The following CCNB3 variants were observed in gnomAD, a reference collection of about 807,000 sequenced individuals.
CCNB3 encodes the protein cyclin B3, also known as G2/mitotic-specific cyclin-B3.
A neutral mutation model predicts 68.0 loss-of-function variants in CCNB3; 12 were observed. That is an observed-to-expected ratio of 0.18 (90% CI 0.11 to 0.29). CCNB3 has a LOEUF of 0.29. Among genes scored for constraint, CCNB3 ranks in the 10% least tolerant of loss-of-function variants. CCNB3 has a pLI of 1.00. For missense variants in CCNB3, 904 were observed against 993.1 expected, an observed-to-expected ratio of 0.91 and a Z score of 1.21; for synonymous variants, 354 against 388.9, an observed-to-expected ratio of 0.91 and a Z score of 1.06.
chrX:50,292,265 A>G (rs192948888), intron 4 of CCNB3, among the ~76,000 whole-genome samples: 182 of 111,084 alleles, frequency 1.6e-3, no homozygotes, highest in Middle Eastern at 4.7e-3. Context: ...GATCCAGGCT[A>G]GGATCATGTA....
At chrX:50,322,404 C>T (rs1414475780) in intron 8 of CCNB3, among the ~76,000 whole-genome samples, 3 of 110,862 alleles carry the variant, frequency 2.7e-5, no homozygotes, top group Non-Finnish European at 3.8e-5. Flanking sequence ...TTCCTTATAC[C>T]TTATACAAAA....
At chrX:50,205,998 G>A (rs1346047418) in intron 1 of CCNB3, among the ~76,000 whole-genome samples, 3 of 90,399 alleles carry the variant, frequency 3.3e-5, no homozygotes, top group Admixed American at 1.2e-4. Context: ...CGCCTGTAGT[G>A]CCAGCACTTT....
At chrX:50,301,294 A>G (rs1162254815) in intron 5 of CCNB3, among the ~76,000 whole-genome samples, 3 of 110,780 alleles carry the variant, frequency 2.7e-5, no homozygotes, top group Non-Finnish European at 3.8e-5. Flanking sequence ...GGTGATGGTG[A>G]TGTACAGATG....
chrX:50,325,075 C>T (rs1557217123), intron 8 of CCNB3, among the ~76,000 whole-genome samples: 1 of 110,948 alleles, frequency 9.0e-6, no homozygotes, highest in Non-Finnish European at 1.9e-5. Flanking sequence ...ACTGTATTCT[C>T]TATAGGGTAC....
At chrX:50,311,534 T>G in intron 6 of CCNB3, 38 bp downstream of exon 6, 2 of 1,012,186 alleles carry the variant, frequency 2.0e-6, no homozygotes, top group African/African-American at 1.9e-5. Flanking sequence ...AGATAAATTG[T>G]TCTTTGATAT....
At chrX:50,207,531 G>A (rs1935388919) in intron 1 of CCNB3, among the ~76,000 whole-genome samples, 2 of 111,316 alleles carry the variant, frequency 1.8e-5, no homozygotes, top group African/African-American at 6.5e-5. Flanking sequence ...TTGAAAATAA[G>A]TGGTAATGGT....
At chrX:50,279,277 CAT>C (rs1438772924) in intron 1 of CCNB3, among the ~76,000 whole-genome samples, 3 of 66,636 alleles carry the variant, frequency 4.5e-5, no homozygotes, top group Non-Finnish European at 7.6e-5. Flanking sequence ...AGAATATATA[CAT>C]ATTCATATAT....
At chrX:50,289,035 C>T in intron 4 of CCNB3, 148 bp downstream of exon 4, 1 of 419,776 alleles carries the variant, frequency 2.4e-6, no homozygotes, top group South Asian at 4.4e-5. Context: ...TCAGAAACTG[C>T]AGGGGCTCTG....
intron 9 of CCNB3, among the ~76,000 whole-genome samples, chrX:50,342,755 G>A (rs191984389): frequency 4.5e-5 from 5 of 111,335 alleles, no homozygotes; most frequent in South Asian, 7.7e-4. Flanking sequence ...TGCCCAGGCC[G>A]GAGTGCAATG....
rs782236853 is a variant in CCNB3 at position 50,338,894 on chromosome X, C to T, written c.3517-3308C>T. 8.0e-5 allele frequency among the ~76,000 whole-genome samples: 9 copies of T among 112,317 alleles called. No homozygotes were observed. In the South Asian group the frequency reaches 3.4e-3, roughly 42 times the overall value. Reference sequence around the variant, plus strand: ...CTGTCTCTAAGAAGTTTCAAACTTTCCCTCATCTTCCTCTCTTCTTCTGAG... The same window carrying T: ...CTGTCTCTAAGAAGTTTCAAACTTTTCCTCATCTTCCTCTCTTCTTCTGAG... On this transcript the variant is annotated intron_variant, in intron 8 of 12. Coordinates refer to ENST00000376042, the MANE Select transcript of CCNB3 (RefSeq NM_033031.3).
At chrX:50,304,896 A>C (rs1557213253) in intron 5 of CCNB3, among the ~76,000 whole-genome samples, 1 of 112,442 alleles carries the variant, frequency 8.9e-6, no homozygotes, top group Non-Finnish European at 1.9e-5. Context: ...CAAAAGACAC[A>C]TGAAAAAATG....
rs190956471 is a variant in CCNB3, at chrX:50,350,870, T to A, written c.3961-371T>A. 4.9e-3 allele frequency among the ~76,000 whole-genome samples: 534 copies of A among 109,780 alleles called. 4 individuals are homozygous for A. The highest frequency in any genetic ancestry group is 0.038 in the East Asian group (132 of 3,446). The stretch of plus-strand genomic sequence containing the variant: ...ACCACCATGCCCAGATAATTTAAAA[T>A]TTTTTTAAAAGAGATAGGGTCTTGC... On this transcript the variant is annotated intron_variant, in intron 11 of 12. Transcript: ENST00000376042.
At chrX:50,299,472 G>A (rs1936571683) in intron 5 of CCNB3, among the ~76,000 whole-genome samples, 1 of 111,621 alleles carries the variant, frequency 9.0e-6, no homozygotes, top group Non-Finnish European at 1.9e-5. Context: ...CTGAGTTCTA[G>A]TTTGATTGCA....
Position 50,302,555 on chromosome X carries a change from A to G in CCNB3, c.336-5950A>G, listed in dbSNP as rs782418491. ...TATTCACAGTTATACAGCCATGACA[A>G]TCAATTTTAGGACATTTTCATTAAC... is the stretch of plus-strand genomic sequence containing the variant. On this transcript the variant is annotated intron_variant, in intron 5 of 12. Coordinates refer to ENST00000376042, the MANE Select transcript of CCNB3 (RefSeq NM_033031.3). Among the ~76,000 whole-genome samples the G allele has an allele frequency of 4.5e-5, 5 of 111,858 alleles. No homozygotes were observed. The East Asian group carries it at 1.4e-3, about 32-fold the overall frequency.
chrX:50,295,307 C>T, intron 5 of CCNB3, among the ~76,000 whole-genome samples: 1 of 111,424 alleles, frequency 9.0e-6, no homozygotes, highest in Non-Finnish European at 1.9e-5. Context: ...AGTGTGGAGA[C>T]AACTTAACTT....
chrX:50,227,800 G>C (rs1303258024), intron 1 of CCNB3, among the ~76,000 whole-genome samples: 1 of 77,221 alleles, frequency 1.3e-5, no homozygotes, highest in Non-Finnish European at 2.3e-5. Flanking sequence ...TATATATAGA[G>C]AATAAATATA....
chrX:50,227,576 A>C (rs2147000070), intron 1 of CCNB3, among the ~76,000 whole-genome samples: 1 of 82,787 alleles, frequency 1.2e-5, no homozygotes, highest in East Asian at 3.5e-4. Flanking sequence ...ATATATGGAG[A>C]GATAACATAC....
chrX:50,338,196 G>A (rs1484390016), intron 8 of CCNB3, among the ~76,000 whole-genome samples: 6 of 112,298 alleles, frequency 5.3e-5, no homozygotes, highest in Admixed American at 9.4e-5. Context: ...GGCCTAAGCC[G>A]CCTAAGGGGC....
chrX:50,215,132 G>C (rs1433409719), intron 1 of CCNB3, among the ~76,000 whole-genome samples: 3 of 110,144 alleles, frequency 2.7e-5, no homozygotes, highest in Admixed American at 9.8e-5. Context: ...TGGGACTACA[G>C]GCGCCTGCCA....
Sources: allele counts gnomAD v4.1 joint callset (sites outside exome capture counted in the v4.1 genomes callset), GRCh38; gene constraint gnomAD v4.1.1; transcripts MANE v1.5; gene names NCBI Gene and HGNC (gene_info 2026-07-23, HGNC 2026-07-21).